ERI3: variants seen among roughly 807,000 people sequenced by gnomAD.
ERI3 encodes the protein ERI1 exoribonuclease family member 3.
In ERI3, 18 loss-of-function variants were observed where a neutral mutation model predicts 44.4. The observed-to-expected ratio is 0.41, with a 90% confidence interval of 0.28 to 0.60. ERI3 has a LOEUF of 0.60. ERI3 is among the 20% of genes least tolerant of loss of function. The pLI is 0.36. For missense variants in ERI3, 294 were observed against 435.5 expected (o/e 0.68, Z 2.89); for synonymous variants, 183 against 164.8 (o/e 1.11, Z -0.84).
chr1:44,224,721 T>G (rs1004318339), intron 8 of ERI3, among the ~76,000 whole-genome samples: 3 of 152,204 alleles, frequency 2.0e-5, no homozygotes, highest in African/African-American at 7.2e-5. Flanking sequence ...CCAGCAGACT[T>G]AGTGAAACCA....
At chr1:44,247,881 G>A in intron 8 of ERI3, 58 bp downstream of exon 8, 1 of 1,401,648 alleles carries the variant, frequency 7.1e-7, no homozygotes, top group Non-Finnish European at 1.0e-6. Context: ...TGGGGACTGG[G>A]GCACGCGGGC....
chr1:44,251,827 G>A (rs1644686488), intron 7 of ERI3, among the ~76,000 whole-genome samples: 1 of 152,196 alleles, frequency 6.6e-6, no homozygotes, highest in Admixed American at 6.5e-5. Flanking sequence ...GGGGCCTTGT[G>A]TCTATCTCTT....
At chr1:44,316,742 C>G (rs1352867444) in intron 4 of ERI3, among the ~76,000 whole-genome samples, 1 of 152,186 alleles carries the variant, frequency 6.6e-6, no homozygotes, top group Non-Finnish European at 1.5e-5. Flanking sequence ...TTTACTGGCA[C>G]TTAGCAAAAT....
At chr1:44,302,777 T>G (rs1645754709) in intron 6 of ERI3, among the ~76,000 whole-genome samples, 1 of 152,128 alleles carries the variant, frequency 6.6e-6, no homozygotes, top group South Asian at 2.1e-4. Flanking sequence ...CCACCGTGTA[T>G]CACCAAACCA....
chr1:44,225,188 G>A (rs1000477948), intron 8 of ERI3, among the ~76,000 whole-genome samples: 11 of 152,148 alleles, frequency 7.2e-5, no homozygotes, highest in African/African-American at 2.7e-4. Flanking sequence ...CTGCTGTAGG[G>A]TGGGAGTGAG....
chr1:44,324,236 C>A (rs914170373), intron 3 of ERI3, among the ~76,000 whole-genome samples: 1 of 152,160 alleles, frequency 6.6e-6, no homozygotes, highest in African/African-American at 2.4e-5. Flanking sequence ...TACCAGAAGA[C>A]ACAAAACTCT....
At chr1:44,299,697 A>C (rs1042436857) in intron 6 of ERI3, among the ~76,000 whole-genome samples, 4 of 152,128 alleles carry the variant, frequency 2.6e-5, no homozygotes, top group African/African-American at 9.7e-5. Flanking sequence ...AAGGTGAGAA[A>C]TGTTCAAAAT....
chr1:44,237,927 T>C (rs1346697319), intron 8 of ERI3, among the ~76,000 whole-genome samples: 2 of 152,042 alleles, frequency 1.3e-5, no homozygotes, highest in Non-Finnish European at 2.9e-5. Flanking sequence ...CCTTGTCCTG[T>C]GCACAGGCTC....
At chr1:44,304,425 G>A (rs1645791920) in intron 6 of ERI3, among the ~76,000 whole-genome samples, 1 of 152,182 alleles carries the variant, frequency 6.6e-6, no homozygotes, top group African/African-American at 2.4e-5. Flanking sequence ...AGTGACTGAG[G>A]AGGAGAAGCC....
intron 6 of ERI3, among the ~76,000 whole-genome samples, chr1:44,286,623 TA>T (rs1281730975): frequency 1.3e-5 from 2 of 152,156 alleles, no homozygotes; most frequent in African/African-American, 4.8e-5. Flanking sequence ...GAAACCAGGT[TA>T]CCCCCATCAG....
intron 7 of ERI3, among the ~76,000 whole-genome samples, chr1:44,271,003 G>A (rs1269366341): frequency 4.6e-5 from 7 of 152,164 alleles, no homozygotes; most frequent in South Asian, 2.1e-4. Flanking sequence ...TTCTGCCAAC[G>A]GTCTCAGACT....
At chr1:44,239,556 T>C (rs1409668500) in intron 8 of ERI3, among the ~76,000 whole-genome samples, 1 of 152,204 alleles carries the variant, frequency 6.6e-6, no homozygotes, top group Non-Finnish European at 1.5e-5. Flanking sequence ...TTCACTCTCC[T>C]GCCTCAGAAG....
intron 2 of ERI3, among the ~76,000 whole-genome samples, chr1:44,343,792 T>C (rs1021994652): frequency 2.0e-5 from 3 of 152,178 alleles, no homozygotes; most frequent in African/African-American, 7.2e-5. Context: ...TAGGAAAATG[T>C]CCTTGTTTAT....
intron 3 of ERI3, among the ~76,000 whole-genome samples, chr1:44,327,942 C>T (rs963650034): frequency 9.9e-5 from 15 of 152,146 alleles, no homozygotes; most frequent in African/African-American, 3.6e-4. Context: ...AGGACCAGGC[C>T]CACTCAGGCA....
At chr1:44,323,433 T>C (rs1646244335) in intron 3 of ERI3, among the ~76,000 whole-genome samples, 1 of 152,238 alleles carries the variant, frequency 6.6e-6, no homozygotes, top group South Asian at 2.1e-4. Context: ...TCCTTAATCC[T>C]GGCAGACAGG....
chr1:44,308,277 C>T (rs1466513976), intron 6 of ERI3, 33 bp downstream of exon 6: 5 of 1,502,776 alleles, frequency 3.3e-6, no homozygotes, highest in Non-Finnish European at 3.7e-6. Flanking sequence ...AGATTCCAAG[C>T]CCTGCCAGCA....
At chr1:44,289,761 G>A (rs1645466404) in intron 6 of ERI3, among the ~76,000 whole-genome samples, 1 of 152,260 alleles carries the variant, frequency 6.6e-6, no homozygotes, top group South Asian at 2.1e-4. Flanking sequence ...CTCATTAGGG[G>A]AACACCCCCC....
At chr1:44,332,566 C>T (rs973742916) in intron 3 of ERI3, among the ~76,000 whole-genome samples, 1 of 152,364 alleles carries the variant, frequency 6.6e-6, no homozygotes, top group East Asian at 1.9e-4. Context: ...CCTGCCTCTG[C>T]TATGCCAAAC....
chr1:44,273,819 C>T (rs1242819888), intron 7 of ERI3, among the ~76,000 whole-genome samples: 1 of 151,846 alleles, frequency 6.6e-6, no homozygotes, highest in Non-Finnish European at 1.5e-5. Flanking sequence ...AGGGGAAAGG[C>T]GATGTAAGAA....
Sources: gnomAD v4.1 joint callset for allele counts (sites outside exome capture counted in the v4.1 genomes callset) on GRCh38, gnomAD v4.1.1 for gene constraint, MANE v1.5 for transcripts, NCBI Gene and HGNC (gene_info 2026-07-23, HGNC 2026-07-21) for gene names.